Variants in ZNF283 observed in about 807,000 individuals in gnomAD.
The protein encoded by ZNF283 is zinc finger protein 41.
Under a neutral mutation model 9.2 loss-of-function variants are expected in ZNF283, and 10 were observed. The ratio of observed to expected loss-of-function variants is 1.09; its 90% confidence interval spans 0.67 to 1.85. The LOEUF (loss-of-function observed/expected upper bound fraction) is 1.85, where lower values mean the gene tolerates loss of function less well. Among genes scored for constraint, ZNF283 ranks in the 40% most tolerant of loss-of-function variants. The pLI is 0.00. For missense variants in ZNF283, 631 were observed against 760.1 expected (o/e 0.83, Z 2.00); for synonymous variants, 234 against 244.1 (o/e 0.96, Z 0.38).
chr19:43,851,353 C>A lies in ZNF283; in HGVS notation c.*2712C>A, dbSNP rs1248673582. The stretch of plus-strand genomic sequence containing the variant: ...AAAGAAGCTTATAAAGTAGCATCTA[C>A]TAAATCCCCTCCTAAGGAACAAGCA... On this transcript the variant is annotated 3_prime_UTR_variant, in exon 7 of 7. Transcript: ENST00000618787. 6.6e-6 allele frequency: 1 copy of A among 151,102 alleles called. No individual in the cohort carries two copies. Among genetic ancestry groups the A allele is most frequent in the African/African-American group, 2.4e-5 (1 of 41,082 alleles). The allele number at this position is 151,102 out of a possible 1,614,324, so 9.4% of individuals were successfully genotyped here.
At chr19:43,829,694 T>G (rs187101288) in intron 2 of ZNF283, among the ~76,000 whole-genome samples, 3 of 152,152 alleles carry the variant, frequency 2.0e-5, no homozygotes, top group East Asian at 1.9e-4. Context: ...GTAACAGAAG[T>G]ATGAAGTTGA....
chr19:43,836,309 AG>A (rs1186663789), intron 5 of ZNF283, among the ~76,000 whole-genome samples: 1 of 152,202 alleles, frequency 6.6e-6, no homozygotes, highest in Non-Finnish European at 1.5e-5. Flanking sequence ...AAGATTTTGT[AG>A]TACATTTGGA....
At chr19:43,832,908 T>C (rs7251009) in intron 3 of ZNF283, among the ~76,000 whole-genome samples, 127,271 of 151,498 alleles carry the variant, frequency 0.84, 53,884 homozygotes, top group African/African-American at 0.88. Flanking sequence ...CCTGTGGTTC[T>C]AGCTACTGGG....
chr19:43,830,743 A>G (rs1220069157), intron 2 of ZNF283, among the ~76,000 whole-genome samples: 1 of 151,842 alleles, frequency 6.6e-6, no homozygotes, highest in South Asian at 2.1e-4. Flanking sequence ...TCTGTACTAA[A>G]ATTACAAAAA....
At chr19:43,841,361 G>C (rs965785305) in intron 6 of ZNF283, 24 of 151,104 alleles carry the variant, frequency 1.6e-4, no homozygotes, top group Admixed American at 1.1e-3. Flanking sequence ...TTACTAATCT[G>C]TAAACTTCAT....
chr19:43,831,978 G>GTTTTTTTTTTT (rs61655320), intron 3 of ZNF283, among the ~76,000 whole-genome samples: 1 of 149,072 alleles, frequency 6.7e-6, no homozygotes, highest in Non-Finnish European at 1.5e-5. Context: ...CTATGGGTCT[G>GTTTTTTTTTTT]TTTTTTTTTT....
Position 43,847,178 on chromosome 19 carries a change from T to C in ZNF283, c.577T>C (p.Ser193Pro). ...AATACCTTCTTACAGAAAAAGTAAA[T>C]CTCTTACTCCACATCAAAGAATTCA... is the stretch of plus-strand genomic sequence containing the variant. Reference protein sequence around the residue: ...EKIPSYRKSKSLTPHQRIHNT... With the variant: ...EKIPSYRKSKPLTPHQRIHNT... Residue 193 changes from serine (S) to proline (P), a missense_variant, in exon 7 of 7, where the codon TCT (serine) becomes CCT (proline). Transcript: ENST00000618787. The C allele has an allele frequency of 1.2e-6, 2 of 1,613,662 alleles. No homozygotes were observed. The highest frequency in any genetic ancestry group is 1.7e-6 in the Non-Finnish European group (2 of 1,179,720).
chr19:43,836,526 G>T (rs539032637), intron 5 of ZNF283, among the ~76,000 whole-genome samples: 40 of 152,274 alleles, frequency 2.6e-4, no homozygotes, highest in African/African-American at 9.4e-4. Flanking sequence ...ATTGTTAGTA[G>T]AGATGGGGTT....
At chr19:43,842,094 TC>T (rs1215396622) in intron 6 of ZNF283, among the ~76,000 whole-genome samples, 7 of 152,202 alleles carry the variant, frequency 4.6e-5, no homozygotes, top group African/African-American at 1.7e-4. Context: ...GTACTTTTCC[TC>T]CTCCTAAGAC....
chr19:43,851,874 A>G lies in ZNF283; in HGVS notation c.*3233A>G, dbSNP rs915170333. The stretch of plus-strand genomic sequence containing the variant: ...TGAAATTGCATTGGGAACTGCTGCT[A>G]TAACCAAAAGAGAATTTCAGTCACC... On this transcript the variant is annotated 3_prime_UTR_variant, in exon 7 of 7. Transcript: ENST00000618787. 1 of 152,238 alleles carries G rather than the reference A, an allele frequency of 6.6e-6. No individual in the cohort carries two copies. Among genetic ancestry groups the G allele is most frequent in the Admixed American group, 6.5e-5 (1 of 15,288 alleles). 9.4% of individuals were successfully genotyped at this position (152,238 alleles called of 1,614,324 possible). A position where few individuals can be genotyped will look rare whatever the true frequency, so the allele number is the denominator to read the frequency against.
chr19:43,835,643 G>A lies in ZNF283; in HGVS notation c.210+51G>A, dbSNP rs917404444. 8.1e-6 allele frequency: 11 copies of A among 1,365,754 alleles called. No individual in the cohort carries two copies. In the African/African-American group the frequency reaches 1.6e-4, roughly 19 times the overall value. The allele number at this position is 1,365,754 out of a possible 1,614,324, so 84.6% of individuals were successfully genotyped here. The stretch of plus-strand genomic sequence containing the variant: ...AAATACTGTGATTTTTAGGGCGTGT[G>A]AATCTTTTCATTAATTTTCCTTAGA... On this transcript the variant is annotated intron_variant, in intron 5 of 6. Transcript: ENST00000618787.
intron 6 of ZNF283, among the ~76,000 whole-genome samples, chr19:43,843,568 T>G (rs1431530098): frequency 6.6e-6 from 1 of 152,210 alleles, no homozygotes; most frequent in Non-Finnish European, 1.5e-5. Context: ...ATTTTGAGCT[T>G]TATAGCTTCC....
rs1971014571 is a variant in ZNF283 at position 43,837,124 on chromosome 19, G to A, written c.282G>A (p.Gln94=). Residue 94 remains glutamine (Q), a synonymous_variant, in exon 6 of 7, where the codon CAG becomes CAA. Transcript: ENST00000618787. ...AGTGGGAATGCCTGGACCCTGCTCA[G>A]AGGGACTTGTACGTGGATGTAATGT... The part of the protein sequence containing the change: ...QEEWECLDPA[Q]RDLYVDVMLE... The A allele has an allele frequency of 6.2e-7, 1 of 1,614,020 alleles. No individual in the cohort carries two copies. Among genetic ancestry groups the A allele is most frequent in the Non-Finnish European group, 8.5e-7 (1 of 1,179,946 alleles).
chr19:43,828,188 G>GT lies in ZNF283; in HGVS notation c.-144-8dup, dbSNP rs35254626. The GT allele has an allele frequency of 6.6e-6, 1 of 151,918 alleles. No individual in the cohort carries two copies. The highest frequency in any genetic ancestry group is 6.6e-5 in the Admixed American group (1 of 15,256). The allele number at this position is 151,918 out of a possible 1,614,324, so 9.4% of individuals were successfully genotyped here. On this transcript the variant is annotated splice_polypyrimidine_tract_variant and intron_variant, in intron 1 of 6. Coordinates refer to ENST00000618787, the MANE Select transcript of ZNF283 (RefSeq NM_181845.2). Reference sequence around the variant, plus strand: ...AGAAATGCTGATGTCTCATGTTACTGTTTTTTCCCCCAGTGCTGCCAGGTT... The same window carrying GT: ...AGAAATGCTGATGTCTCATGTTACTGTTTTTTTCCCCCAGTGCTGCCAGGTT...
At chr19:43,844,397 T>C (rs1375423693) in intron 6 of ZNF283, among the ~76,000 whole-genome samples, 1 of 152,212 alleles carries the variant, frequency 6.6e-6, no homozygotes, top group Non-Finnish European at 1.5e-5. Context: ...ATCTAAGCCT[T>C]ACATAGAAAT....
intron 6 of ZNF283, among the ~76,000 whole-genome samples, chr19:43,839,287 CTG>C (rs1254177933): frequency 6.6e-6 from 1 of 151,264 alleles, no homozygotes; most frequent in Non-Finnish European, 1.5e-5. Context: ...TTTCTGTTCT[CTG>C]TGGTTTCTGA....
chr19:43,827,402 T>A lies in ZNF283; in HGVS notation c.-187T>A, dbSNP rs1006299658. The A allele has an allele frequency of 1.3e-5, 2 of 152,356 alleles. No individual in the cohort carries two copies. The highest frequency in any genetic ancestry group is 2.9e-5 in the Non-Finnish European group (2 of 68,160). 9.4% of individuals were successfully genotyped at this position (152,356 alleles called of 1,614,324 possible). ...TGGGTCCAAACTAACCACAGGTCTCTGGGTCCTTTTCCGGTGTCCTTAAGG... is the reference window on the plus strand; with the variant it reads ...TGGGTCCAAACTAACCACAGGTCTCAGGGTCCTTTTCCGGTGTCCTTAAGG... On this transcript the variant is annotated 5_prime_UTR_variant, in exon 1 of 7. Coordinates refer to ENST00000618787, the MANE Select transcript of ZNF283 (RefSeq NM_181845.2).
chr19:43,841,434 C>CTTTTTTTTTTTTTTT (rs557533523), intron 6 of ZNF283: 1 of 129,608 alleles, frequency 7.7e-6, no homozygotes, highest in Non-Finnish European at 1.6e-5. Flanking sequence ...CTAATTTTAT[C>CTTTTTTTTTTTTTTT]TTTTTTTTTT....
chr19:43,838,620 C>A (rs1971076098), intron 6 of ZNF283, among the ~76,000 whole-genome samples: 3 of 152,116 alleles, frequency 2.0e-5, no homozygotes, highest in African/African-American at 7.2e-5. Flanking sequence ...CACACAAGAC[C>A]CTACCTCAAT....
Sources: gnomAD v4.1 joint callset for allele counts (sites outside exome capture counted in the v4.1 genomes callset) on GRCh38, gnomAD v4.1.1 for gene constraint, MANE v1.5 for transcripts, NCBI Gene and HGNC (gene_info 2026-07-23, HGNC 2026-07-21) for gene names.